Variants in HIVEP2 observed in about 807,000 individuals in gnomAD.
The protein encoded by HIVEP2 is transcription factor HIVEP2.
Under a neutral mutation model 180.7 loss-of-function variants are expected in HIVEP2, and 14 were observed. That is an observed-to-expected ratio of 0.08 (90% CI 0.05 to 0.12). The LOEUF is 0.12. Among genes scored for constraint, HIVEP2 ranks in the 10% least tolerant of loss-of-function variants. The pLI is 1.00. For missense variants in HIVEP2, 2,579 were observed against 3,008.5 expected (o/e 0.86, Z 3.34); for synonymous variants, 1,184 against 1,136.4 (o/e 1.04, Z -0.84).
rs1438591714 is a variant in HIVEP2, at chr6:142,819,717, T to G, written c.-528+17218A>C. On this transcript the variant is annotated intron_variant, in intron 2 of 9. Transcript: ENST00000367603. The stretch of plus-strand genomic sequence containing the variant: ...CCTGTGTGACCCTATGGGAAAATTT[T>G]TAACTAATACTGGGGAAAATCCCAT... 2.0e-5 allele frequency among the ~76,000 whole-genome samples: 3 copies of G among 152,308 alleles called. No homozygotes were observed. In the East Asian group the frequency reaches 5.8e-4, roughly 29 times the overall value.
At chr6:142,875,317 T>A (rs1002752210) in intron 1 of HIVEP2, among the ~76,000 whole-genome samples, 8 of 152,132 alleles carry the variant, frequency 5.3e-5, no homozygotes, top group Non-Finnish European at 1.2e-4. Context: ...CCATTATGAC[T>A]GGAACCTATC....
intron 1 of HIVEP2, among the ~76,000 whole-genome samples, chr6:142,939,160 A>C (rs551552232): frequency 5.3e-5 from 8 of 152,312 alleles, no homozygotes; most frequent in African/African-American, 1.9e-4. Context: ...TGTCATACAC[A>C]TTTGGCAATG....
At chr6:142,847,424 GA>G (rs71815898) in intron 1 of HIVEP2, among the ~76,000 whole-genome samples, 2,521 of 148,276 alleles carry the variant, frequency 0.017, 70 homozygotes, top group African/African-American at 0.058. Flanking sequence ...TGAAATGTTA[GA>G]AAAAAAAAAG....
chr6:142,861,295 CT>C lies in HIVEP2; in HGVS notation c.-640-24249del, dbSNP rs536072008. 1.6e-4 allele frequency among the ~76,000 whole-genome samples: 24 copies of C among 152,304 alleles called. No homozygotes were observed. In the East Asian group the frequency reaches 4.2e-3, roughly 27 times the overall value. The stretch of plus-strand genomic sequence containing the variant: ...ACAAATCAATTGGAATGGCCTTCCC[CT>C]GTATGATTCATACATAAAATGAAAT... On this transcript the variant is annotated intron_variant, in intron 1 of 9. Coordinates refer to ENST00000367603, the MANE Select transcript of HIVEP2 (RefSeq NM_006734.4).
chr6:142,789,210 T>A (rs1292436228), intron 2 of HIVEP2, among the ~76,000 whole-genome samples: 1 of 152,226 alleles, frequency 6.6e-6, no homozygotes, highest in Non-Finnish European at 1.5e-5. Flanking sequence ...TGCCTTGAGT[T>A]AATTACAGTC....
At chr6:142,841,221 A>G (rs756374762) in intron 1 of HIVEP2, among the ~76,000 whole-genome samples, 2 of 152,110 alleles carry the variant, frequency 1.3e-5, no homozygotes, top group East Asian at 3.8e-4. Context: ...GATAGTTCTG[A>G]CCAATTCCAA....
intron 2 of HIVEP2, among the ~76,000 whole-genome samples, chr6:142,795,611 A>T (rs1245468884): frequency 6.6e-6 from 1 of 152,210 alleles, no homozygotes; most frequent in Non-Finnish European, 1.5e-5. Flanking sequence ...AATTATTTGA[A>T]TAAATATTTA....
chr6:142,769,463 T>C, intron 5 of HIVEP2, 89 bp downstream of exon 5: 1 of 1,181,972 alleles, frequency 8.5e-7, no homozygotes, highest in African/African-American at 1.5e-5. Flanking sequence ...TACTTGTATT[T>C]TTTTTTTAGG....
chr6:142,915,646 T>A (rs1463483523), intron 1 of HIVEP2, among the ~76,000 whole-genome samples: 1 of 152,154 alleles, frequency 6.6e-6, no homozygotes, highest in African/African-American at 2.4e-5. Flanking sequence ...TATGGACCTC[T>A]AGCCAGCCTT....
At chr6:142,890,852 C>A (rs1366901197) in intron 1 of HIVEP2, among the ~76,000 whole-genome samples, 1 of 152,084 alleles carries the variant, frequency 6.6e-6, no homozygotes, top group African/African-American at 2.4e-5. Flanking sequence ...TCTTGACAAT[C>A]TGTATAAATG....
chr6:142,890,813 C>T (rs1776839662), intron 1 of HIVEP2, among the ~76,000 whole-genome samples: 1 of 151,906 alleles, frequency 6.6e-6, no homozygotes, highest in African/African-American at 2.4e-5. Context: ...AAATAATGTC[C>T]CATAAATATG....
At chr6:142,936,483 C>T (rs546647067) in intron 1 of HIVEP2, among the ~76,000 whole-genome samples, 12 of 152,048 alleles carry the variant, frequency 7.9e-5, no homozygotes, top group East Asian at 1.9e-4. Context: ...AGCCACCGCC[C>T]GACCACCAGC....
chr6:142,858,449 A>G (rs1378111466), intron 1 of HIVEP2, among the ~76,000 whole-genome samples: 1 of 152,178 alleles, frequency 6.6e-6, no homozygotes, highest in African/African-American at 2.4e-5. Flanking sequence ...GTTCACTCCT[A>G]TAGCCCCAGT....
At chr6:142,863,238 A>C (rs945975436) in intron 1 of HIVEP2, among the ~76,000 whole-genome samples, 2 of 151,260 alleles carry the variant, frequency 1.3e-5, no homozygotes, top group African/African-American at 4.8e-5. Context: ...AATTTAATAT[A>C]AAACCTCTTA....
At chr6:142,813,457 T>A (rs1245036560) in intron 2 of HIVEP2, among the ~76,000 whole-genome samples, 4 of 152,180 alleles carry the variant, frequency 2.6e-5, no homozygotes. Context: ...TTTAATTGAT[T>A]TTCCTTAAAT....
At chr6:142,868,878 G>A (rs1001318330) in intron 1 of HIVEP2, among the ~76,000 whole-genome samples, 3 of 152,180 alleles carry the variant, frequency 2.0e-5, no homozygotes, top group Non-Finnish European at 2.9e-5. Flanking sequence ...TAATTGATAA[G>A]TATTGCCTCT....
At chr6:142,803,666 A>G (rs1190929319) in intron 2 of HIVEP2, among the ~76,000 whole-genome samples, 1 of 152,052 alleles carries the variant, frequency 6.6e-6, no homozygotes, top group African/African-American at 2.4e-5. Flanking sequence ...CACTGAAAAT[A>G]AAGTCAGTAG....
At chr6:142,918,505 G>A (rs1304118013) in intron 1 of HIVEP2, among the ~76,000 whole-genome samples, 1 of 152,200 alleles carries the variant, frequency 6.6e-6, no homozygotes, top group African/African-American at 2.4e-5. Context: ...ACAGCATCTG[G>A]ATGTTCTGCC....
At chr6:142,803,580 C>CACACACACACACAT in intron 2 of HIVEP2, among the ~76,000 whole-genome samples, 1 of 151,688 alleles carries the variant, frequency 6.6e-6, no homozygotes, top group Non-Finnish European at 1.5e-5. Context: ...CACACACACA[C>CACACACACACACAT]ACACACACAC....
Sources: allele counts gnomAD v4.1 joint callset (sites outside exome capture counted in the v4.1 genomes callset), GRCh38; gene constraint gnomAD v4.1.1; transcripts MANE v1.5; gene names NCBI Gene and HGNC (gene_info 2026-07-23, HGNC 2026-07-21).